PMS1: variants seen among roughly 807,000 people sequenced by gnomAD.
PMS1 encodes the protein PMS1 protein homolog 1.
A neutral mutation model predicts 93.1 loss-of-function variants in PMS1; 79 were observed. The ratio of observed to expected loss-of-function variants is 0.85; its 90% CI spans 0.71 to 1.02. The LOEUF (loss-of-function observed/expected upper bound fraction) is 1.02. Among genes scored for constraint, PMS1 ranks in the 50% least tolerant of loss-of-function variants. The pLI, the probability that PMS1 is intolerant of heterozygous loss-of-function variation, is 0.00. For synonymous variants in PMS1, 335 were observed against 363.4 expected, an observed-to-expected ratio of 0.92 and a Z score of 0.89; for missense variants, 1,064 against 1,085.3, an observed-to-expected ratio of 0.98 and a Z score of 0.28.
intron 10 of PMS1, among the ~76,000 whole-genome samples, chr2:189,866,062 T>C (rs1297727665): frequency 6.6e-6 from 1 of 152,196 alleles, no homozygotes; most frequent in Non-Finnish European, 1.5e-5. Flanking sequence ...TCTCTTGAGA[T>C]TGGCTTAGGA....
chr2:189,847,275 G>T (rs1052195901), intron 6 of PMS1, among the ~76,000 whole-genome samples: 1 of 151,958 alleles, frequency 6.6e-6, no homozygotes, highest in Non-Finnish European at 1.5e-5. Context: ...TGAATCTGAA[G>T]GGTCATTTCT....
intron 7 of PMS1, among the ~76,000 whole-genome samples, 185 bp downstream of exon 7, chr2:189,852,962 A>G (rs1453737882): frequency 6.6e-6 from 1 of 152,210 alleles, no homozygotes; most frequent in African/African-American, 2.4e-5. Flanking sequence ...GGACTGCATT[A>G]TCATCCCCAT....
chr2:189,854,141 A>T lies in PMS1; in HGVS notation c.966+59A>T. On this transcript the variant is annotated intron_variant, in intron 8 of 12. Coordinates refer to ENST00000441310, the MANE Select transcript of PMS1 (RefSeq NM_000534.5). ...TTTATAAACATATATTACTGTTTTC[A>T]TATAAAAAGATTTGTTTATATTTAT... is the stretch of plus-strand genomic sequence containing the variant. 2.2e-6 allele frequency: 3 copies of T among 1,384,228 alleles called. No individual in the cohort carries two copies. The South Asian group carries it at 4.2e-5, about 19-fold the overall frequency. 85.7% of individuals were successfully genotyped at this position (1,384,228 alleles called of 1,614,324 possible).
At chr2:189,813,932 A>G (rs889931982) in intron 4 of PMS1, among the ~76,000 whole-genome samples, 3 of 152,214 alleles carry the variant, frequency 2.0e-5, no homozygotes, top group Non-Finnish European at 4.4e-5. Context: ...GTAGTAGTTG[A>G]AGACATGGGA....
rs2057673607 is a variant in PMS1 at position 189,877,571 on chromosome 2, A to G, written c.*135A>G. ...AATGAGGATTCACTGACTTGTTTTT[A>G]TATTGAAAAAAGTTCCACGTATTGT... On this transcript the variant is annotated 3_prime_UTR_variant, in exon 13 of 13. Transcript: ENST00000441310. 3 of 645,846 alleles carry G rather than the reference A, an allele frequency of 4.6e-6. No homozygotes were observed. The highest frequency in any genetic ancestry group is 2.0e-5 in the South Asian group (1 of 50,714). The allele number at this position is 645,846 out of a possible 1,614,324, so 40.0% of individuals were successfully genotyped here.
rs2055130086 is a variant in PMS1, at chr2:189,854,657, T to C, written c.1385T>C (p.Val462Ala). Residue 462 changes from valine (V) to alanine (A), a missense_variant, in exon 9 of 13, where the codon GTT becomes GCT. By Grantham distance (64) the Val-to-Ala change is moderately conservative. Coordinates refer to ENST00000441310, the MANE Select transcript of PMS1 (RefSeq NM_000534.5). ...AGTAAAACTTGTTTTATAAGTTCCGTTAAGCACACCCAGTCAGAAAATGGC... is the reference window on the plus strand; with the variant it reads ...AGTAAAACTTGTTTTATAAGTTCCGCTAAGCACACCCAGTCAGAAAATGGC... ...EYSKTCFISS[V>A]KHTQSENGNK... 6.2e-7 allele frequency: 1 copy of C among 1,613,786 alleles called. No individual in the cohort carries two copies. Among genetic ancestry groups the C allele is most frequent in the South Asian group, 1.1e-5 (1 of 91,086 alleles).
intron 4 of PMS1, among the ~76,000 whole-genome samples, chr2:189,816,373 T>G (rs1318579082): frequency 1.4e-5 from 2 of 142,686 alleles, no homozygotes; most frequent in African/African-American, 6.2e-5. Flanking sequence ...GTTAGTAAAT[T>G]GTTTGTCTTC....
chr2:189,850,581 G>A (rs981346749), intron 6 of PMS1, among the ~76,000 whole-genome samples: 4 of 152,144 alleles, frequency 2.6e-5, no homozygotes, highest in Middle Eastern at 3.2e-3. Context: ...AGGTGTGAAT[G>A]AAATTAGGAA....
At chr2:189,817,953 C>A in intron 4 of PMS1, 64 bp from the exon 5 acceptor site, 1 of 1,213,648 alleles carries the variant, frequency 8.2e-7, no homozygotes, top group Non-Finnish European at 1.2e-6. Flanking sequence ...AAATTGTATA[C>A]GGATTTGAAG....
rs2057323680 is a variant in PMS1, at chr2:189,873,561, G to A, written c.2539G>A (p.Val847Ile). ...GGCTAATTGTCTCCCATTCTATGGA[G>A]TAGCAGATTTAAAAGAAATTCTTAA... The part of the protein sequence containing the change: ...GMANCLPFYG[V>I]ADLKEILNAI... The change falls in exon 12 of 13, where the codon GTA becomes ATA. Residue 847 changes from valine to isoleucine, a missense_variant. Transcript: ENST00000441310. 1 of 1,599,594 alleles carries A rather than the reference G, an allele frequency of 6.3e-7. No individual in the cohort carries two copies. Among genetic ancestry groups the A allele is most frequent in the Admixed American group, 1.7e-5 (1 of 59,980 alleles).
chr2:189,790,665 A>G (rs909462184), intron 1 of PMS1, among the ~76,000 whole-genome samples: 2 of 152,206 alleles, frequency 1.3e-5, no homozygotes, highest in Admixed American at 6.5e-5. Context: ...GCAATCCTAT[A>G]TGTAAAGTGT....
chr2:189,845,306 T>C (rs935147792), intron 6 of PMS1, among the ~76,000 whole-genome samples: 7 of 152,154 alleles, frequency 4.6e-5, no homozygotes, highest in African/African-American at 1.7e-4. Context: ...TAAAGATCCA[T>C]TGTTGTATCT....
At chr2:189,860,131 T>A (rs557862285) in intron 9 of PMS1, among the ~76,000 whole-genome samples, 6 of 152,316 alleles carry the variant, frequency 3.9e-5, no homozygotes, top group African/African-American at 1.4e-4. Context: ...AATGGTGTAA[T>A]TTGATGCATT....
At chr2:189,876,066 G>A (rs995238205) in intron 12 of PMS1, among the ~76,000 whole-genome samples, 3 of 150,202 alleles carry the variant, frequency 2.0e-5, no homozygotes, top group African/African-American at 4.9e-5. Flanking sequence ...ATCAAGAGCA[G>A]AAAACAGAAA....
chr2:189,855,328 A>T (rs1048975590), intron 9 of PMS1, among the ~76,000 whole-genome samples, 200 bp downstream of exon 9: 1 of 132,874 alleles, frequency 7.5e-6, no homozygotes, highest in Non-Finnish European at 1.5e-5. Context: ...GGGGGCTTGT[A>T]TTATTTTGTT....
In PMS1 at chr2:189,854,078, A is replaced by G. The variant is rs147901996; in HGVS notation, c.962A>G (p.Asn321Ser). Residue 321 changes from asparagine to serine, a missense_variant, in exon 8 of 13, where the codon AAT becomes AGT. Transcript: ENST00000441310. ...GATAAAAGCCAAGTATTATTACAAAATAAGGTAACTCTTTTCAGATAATTT... is the reference window on the plus strand; with the variant it reads ...GATAAAAGCCAAGTATTATTACAAAGTAAGGTAACTCTTTTCAGATAATTT... ...TPDKSQVLLQ[N>S]KESVLIALEN... is the part of the protein sequence containing the mutation. 6.9e-6 allele frequency: 11 copies of G among 1,584,218 alleles called. No homozygotes were observed. In the African/African-American group the frequency reaches 1.2e-4, roughly 17 times the overall value.
chr2:189,804,838 G>A (rs946028315), intron 3 of PMS1, among the ~76,000 whole-genome samples: 45 of 152,226 alleles, frequency 3.0e-4, no homozygotes, highest in African/African-American at 9.6e-4. Flanking sequence ...CCAGACATGT[G>A]AGGAGGCTAC....
chr2:189,806,927 A>G (rs1170843090), intron 4 of PMS1: 1 of 210,396 alleles, frequency 4.8e-6, no homozygotes, highest in Admixed American at 5.9e-5. Context: ...TGCTTCTCCA[A>G]TTTGTGTTGT....
chr2:189,838,035 G>A (rs1219205745), intron 5 of PMS1, among the ~76,000 whole-genome samples: 1 of 152,166 alleles, frequency 6.6e-6, no homozygotes, highest in African/African-American at 2.4e-5. Context: ...GATGGATATA[G>A]GTTTTCTTTT....
Sources: gnomAD v4.1 joint callset for allele counts (sites outside exome capture counted in the v4.1 genomes callset) on GRCh38, gnomAD v4.1.1 for gene constraint, MANE v1.5 for transcripts, NCBI Gene and HGNC (gene_info 2026-07-23, HGNC 2026-07-21) for gene names.